The following NR2C1 variants were observed in gnomAD, a reference collection of about 807,000 sequenced individuals.
NR2C1 encodes nuclear receptor subfamily 2 group C member 1.
A neutral mutation model predicts 74.8 loss-of-function variants in NR2C1; 33 were observed. That is an observed-to-expected ratio of 0.44 (90% CI 0.33 to 0.59). The LOEUF is 0.59. NR2C1 is among the 20% of genes least tolerant of loss of function. The probability of loss-of-function intolerance (pLI) is 0.02; values close to 1 mark genes in which losing one functional copy is unlikely to be tolerated. For missense variants in NR2C1, 568 were observed against 715.6 expected (o/e 0.79, Z 2.35); for synonymous variants, 225 against 240.6 (o/e 0.94, Z 0.60).
chr12:95,056,833 C>T (rs1873962273), intron 7 of NR2C1, among the ~76,000 whole-genome samples: 1 of 151,776 alleles, frequency 6.6e-6, no homozygotes, highest in Admixed American at 6.6e-5. Flanking sequence ...GTGGCAGGTG[C>T]CTGTAGTCCC....
intron 3 of NR2C1, among the ~76,000 whole-genome samples, chr12:95,061,467 T>A (rs533770066): frequency 1.3e-5 from 2 of 152,226 alleles, no homozygotes; most frequent in Non-Finnish European, 2.9e-5. Flanking sequence ...GTCTACTACT[T>A]AAAGAAAAAT....
Position 95,040,571 on chromosome 12 carries a change from C to T in NR2C1, c.1158G>A (p.Glu386=). The change falls in exon 10 of 14, where the codon GAG becomes GAA. Residue 386 remains glutamate (E), a synonymous_variant. Transcript: ENST00000333003. ...FRLTMPSPMP[E]YLNVHYIGES... ...CCCCAATGTAGTGCACATTCAGGTA[C>T]TCAGGCATAGGAGAAGGCATGGTGA... 6.2e-7 allele frequency: 1 copy of T among 1,613,368 alleles called. No homozygotes were observed. The highest frequency in any genetic ancestry group is 1.1e-5 in the South Asian group (1 of 90,972).
intron 13 of NR2C1, among the ~76,000 whole-genome samples, chr12:95,024,347 T>C (rs1227792638): frequency 6.6e-6 from 1 of 152,188 alleles, no homozygotes; most frequent in East Asian, 1.9e-4. Flanking sequence ...ATTAGTATTA[T>C]CTCCATTTAT....
intron 9 of NR2C1, among the ~76,000 whole-genome samples, chr12:95,045,346 T>G (rs144424267): frequency 2.6e-5 from 4 of 152,294 alleles, no homozygotes; most frequent in African/African-American, 9.6e-5. Flanking sequence ...TCATAACATA[T>G]GGGCAATGGG....
chr12:95,032,678 T>G (rs1392818172), intron 10 of NR2C1, among the ~76,000 whole-genome samples: 1 of 151,788 alleles, frequency 6.6e-6, no homozygotes, highest in Admixed American at 6.6e-5. Flanking sequence ...AAGGTAAGAA[T>G]TAGCTGGGGC....
chr12:95,021,772 A>G lies in NR2C1; in HGVS notation c.*457T>C, dbSNP rs957138614. ...AAGCATAAAATAATCTTATTTTGAT[A>G]TGGTAATTAAACAAAAATTATTATG... On this transcript the variant is annotated 3_prime_UTR_variant, in exon 14 of 14. Coordinates refer to ENST00000333003, the MANE Select transcript of NR2C1 (RefSeq NM_003297.4). 2.0e-5 allele frequency: 3 copies of G among 152,610 alleles called. No homozygotes were observed. Among genetic ancestry groups the G allele is most frequent in the Non-Finnish European group, 4.4e-5 (3 of 68,338 alleles). 9.5% of individuals were successfully genotyped at this position (152,610 alleles called of 1,614,324 possible).
In NR2C1 at chr12:95,022,223, C is replaced by G. The variant is rs986798548; in HGVS notation, c.*6G>C. 6.2e-7 allele frequency: 1 copy of G among 1,604,696 alleles called. No individual in the cohort carries two copies. The highest frequency in any genetic ancestry group is 8.5e-7 in the Non-Finnish European group (1 of 1,177,170). On this transcript the variant is annotated 3_prime_UTR_variant, in exon 14 of 14. Coordinates refer to ENST00000333003, the MANE Select transcript of NR2C1 (RefSeq NM_003297.4). ...AGTTAAGTTTACAGCACTGCAGTCA[C>G]AGTTTTCAAATGCTGTGACCAATTA...
chr12:95,067,392 C>G lies in NR2C1; in HGVS notation c.-7-1G>C. On this transcript the variant is annotated splice_acceptor_variant, in intron 1 of 13. Coordinates refer to ENST00000333003, the MANE Select transcript of NR2C1 (RefSeq NM_003297.4). LOFTEE classifies it low-confidence loss of function (5UTR_SPLICE). Reference sequence around the variant, plus strand: ...TTCTTCTATGGTTGCCATGATCTACCTGCCAAAAATAAAAAGATGTTTTAT... The same window carrying G: ...TTCTTCTATGGTTGCCATGATCTACGTGCCAAAAATAAAAAGATGTTTTAT... The G allele has an allele frequency of 6.2e-7, 1 of 1,607,114 alleles. No individual in the cohort carries two copies. Among genetic ancestry groups the G allele is most frequent in the Non-Finnish European group, 8.5e-7 (1 of 1,173,974 alleles).
chr12:95,068,035 C>T (rs1376550380), intron 1 of NR2C1, among the ~76,000 whole-genome samples: 6 of 152,026 alleles, frequency 3.9e-5, no homozygotes, highest in African/African-American at 1.4e-4. Flanking sequence ...CCTGCCACCA[C>T]GCCAGCTAAT....
At chr12:95,032,127 C>A (rs915472585) in intron 10 of NR2C1, among the ~76,000 whole-genome samples, 1 of 152,212 alleles carries the variant, frequency 6.6e-6, no homozygotes, top group Non-Finnish European at 1.5e-5. Context: ...CTTGGCCTCC[C>A]AAAGTGTTGG....
In NR2C1 at chr12:95,028,228, A is replaced by G. The variant is rs1386180209; in HGVS notation, c.1531+159T>C. On this transcript the variant is annotated intron_variant, in intron 12 of 13. Coordinates refer to ENST00000333003, the MANE Select transcript of NR2C1 (RefSeq NM_003297.4). ...TGGGCTGACAAGAGTGAAGCTGCTG[A>G]GTCATATGATAACTCCATGTTTAAC... 6.9e-6 allele frequency: 4 copies of G among 577,162 alleles called. No homozygotes were observed. In the African/African-American group the frequency reaches 7.7e-5, roughly 11 times the overall value. 35.8% of individuals were successfully genotyped at this position (577,162 alleles called of 1,614,324 possible). A position where few individuals can be genotyped will look rare whatever the true frequency, so the allele number is the denominator to read the frequency against.
At chr12:95,024,162 AATT>A (rs1463971364) in intron 13 of NR2C1, among the ~76,000 whole-genome samples, 16 of 152,318 alleles carry the variant, frequency 1.1e-4, no homozygotes, top group Admixed American at 9.8e-4. Context: ...TATGTAAAAA[AATT>A]ATTATATGTA....
chr12:95,029,504 A>T (rs1462678463), intron 11 of NR2C1, among the ~76,000 whole-genome samples: 1 of 151,542 alleles, frequency 6.6e-6, no homozygotes, highest in Admixed American at 6.6e-5. Context: ...TTGGCTTGTT[A>T]AAAAAAACAA....
chr12:95,038,860 T>C (rs1291461490), intron 10 of NR2C1, among the ~76,000 whole-genome samples: 1 of 152,148 alleles, frequency 6.6e-6, no homozygotes, highest in Non-Finnish European at 1.5e-5. Context: ...ATTTCAGTAA[T>C]TACAAAGTAG....
At chr12:95,061,013 A>G (rs1052227873) in intron 3 of NR2C1, among the ~76,000 whole-genome samples, 5 of 152,290 alleles carry the variant, frequency 3.3e-5, no homozygotes, top group Admixed American at 2.0e-4. Flanking sequence ...TCTTTTATCT[A>G]TTATTCCTAA....
intron 1 of NR2C1, among the ~76,000 whole-genome samples, chr12:95,067,870 C>T (rs1419440305): frequency 6.7e-6 from 1 of 150,110 alleles, no homozygotes; most frequent in Non-Finnish European, 1.5e-5. Context: ...GCCCACCCCT[C>T]CATGTATCTT....
intron 11 of NR2C1, among the ~76,000 whole-genome samples, chr12:95,029,780 A>G (rs1297191497): frequency 2.6e-5 from 4 of 151,970 alleles, no homozygotes; most frequent in South Asian, 4.2e-4. Context: ...GCTGGTCTTG[A>G]ACTCCTGACC....
At chr12:95,031,598 T>C (rs765551580) in intron 10 of NR2C1, 110 bp from the exon 11 acceptor site, 1 of 752,532 alleles carries the variant, frequency 1.3e-6, no homozygotes, top group African/African-American at 1.8e-5. Context: ...ACTAAAATTA[T>C]TCTAGAAAGA....
chr12:95,020,481 A>G lies in NR2C1; in HGVS notation c.*1748T>C, dbSNP rs1315902797. 3.3e-5 allele frequency: 5 copies of G among 152,180 alleles called. No homozygotes were observed. Among genetic ancestry groups the G allele is most frequent in the Non-Finnish European group, 7.4e-5 (5 of 68,020 alleles). The allele number at this position is 152,180 out of a possible 1,614,324, so 9.4% of individuals were successfully genotyped here. A position where few individuals can be genotyped will look rare whatever the true frequency, so the allele number is the denominator to read the frequency against. ...TCCATTTGAGTATTATACTAAATGT[A>G]ATTTAGCTGATAATTATAAATAAAA... On this transcript the variant is annotated 3_prime_UTR_variant, in exon 14 of 14. Coordinates refer to ENST00000333003, the MANE Select transcript of NR2C1 (RefSeq NM_003297.4).
Sources: gnomAD v4.1 joint callset for allele counts (sites outside exome capture counted in the v4.1 genomes callset) on GRCh38, gnomAD v4.1.1 for gene constraint, MANE v1.5 for transcripts, NCBI Gene and HGNC (gene_info 2026-07-23, HGNC 2026-07-21) for gene names.